The following AMPH variants were observed in gnomAD, a reference collection of about 807,000 sequenced individuals.
The protein encoded by AMPH is amphiphysin (Stiff-Mann syndrome with breast cancer 128kD autoantigen).
A neutral mutation model predicts 99.1 loss-of-function variants in AMPH; 49 were observed. The ratio of observed to expected loss-of-function variants is 0.49; its 90% CI spans 0.39 to 0.63. The LOEUF (loss-of-function observed/expected upper bound fraction) is 0.63. AMPH is among the 20% of genes least tolerant of loss of function. The pLI, the probability that AMPH is intolerant of heterozygous loss-of-function variation, is 0.00. For synonymous variants in AMPH, 314 were observed against 317.3 expected (o/e 0.99, Z 0.11); for missense variants, 759 against 863.4 (o/e 0.88, Z 1.52).
chr7:38,601,548 C>T (rs910590363), intron 1 of AMPH, among the ~76,000 whole-genome samples: 21 of 152,210 alleles, frequency 1.4e-4, no homozygotes, highest in African/African-American at 4.8e-4. Flanking sequence ...AAAATCCAAA[C>T]TATGCCTTAT....
intron 1 of AMPH, among the ~76,000 whole-genome samples, chr7:38,590,647 G>C (rs1308448362): frequency 1.3e-5 from 2 of 152,118 alleles, no homozygotes; most frequent in Non-Finnish European, 2.9e-5. Context: ...TTGTATTTTA[G>C]TGAGCCCTCT....
chr7:38,491,913 C>T (rs1285918445), intron 4 of AMPH, among the ~76,000 whole-genome samples: 1 of 152,162 alleles, frequency 6.6e-6, no homozygotes, highest in Non-Finnish European at 1.5e-5. Context: ...GACTTTTTAT[C>T]CCAGCTGTGT....
At chr7:38,387,953 A>C (rs13242625) in intron 20 of AMPH, among the ~76,000 whole-genome samples, 27,773 of 152,004 alleles carry the variant, frequency 0.18, 2,998 homozygotes, top group Middle Eastern at 0.31. Context: ...GAAAACAATG[A>C]AACATGTTTA....
intron 1 of AMPH, among the ~76,000 whole-genome samples, chr7:38,615,673 G>T (rs569116107): frequency 5.0e-4 from 76 of 152,278 alleles, no homozygotes; most frequent in Middle Eastern, 3.4e-3. Flanking sequence ...ACTCTGGAAA[G>T]ATCACTTCTT....
chr7:38,417,744 T>C, intron 17 of AMPH, 81 bp downstream of exon 17: 1 of 1,547,602 alleles, frequency 6.5e-7, no homozygotes, highest in Non-Finnish European at 8.7e-7. Flanking sequence ...GAGGCAAAGA[T>C]GAGAGCGATG....
intron 1 of AMPH, among the ~76,000 whole-genome samples, chr7:38,630,130 T>A (rs1308596685): frequency 6.6e-6 from 1 of 152,158 alleles, no homozygotes; most frequent in African/African-American, 2.4e-5. Flanking sequence ...CAAATCTGAC[T>A]TCCAGTAAAA....
rs192341339 is a variant in AMPH, at chr7:38,516,160, C to A, written c.151-12456G>T. On this transcript the variant is annotated intron_variant, in intron 2 of 20. Coordinates refer to ENST00000356264, the MANE Select transcript of AMPH (RefSeq NM_001635.4). Reference sequence around the variant, plus strand: ...TCTGGAGAAGAATTCAAGTTGGCTGCAGAAATTTGCATAAGTAAAAAGGAG... The same window carrying A: ...TCTGGAGAAGAATTCAAGTTGGCTGAAGAAATTTGCATAAGTAAAAAGGAG... Among the ~76,000 whole-genome samples, 67 of 152,302 alleles carry A rather than the reference C, an allele frequency of 4.4e-4. 1 individual carries two copies. The Middle Eastern group carries it at 0.027, about 62-fold the overall frequency.
At chr7:38,527,595 T>C (rs934766532) in intron 2 of AMPH, among the ~76,000 whole-genome samples, 1 of 152,208 alleles carries the variant, frequency 6.6e-6, no homozygotes, top group Non-Finnish European at 1.5e-5. Context: ...TGATCTTATA[T>C]CTTGTGACCT....
chr7:38,441,185 C>G (rs1449028203), intron 11 of AMPH, among the ~76,000 whole-genome samples: 1 of 152,002 alleles, frequency 6.6e-6, no homozygotes, highest in Non-Finnish European at 1.5e-5. Context: ...GGATCATTGC[C>G]TAAACATTTA....
rs1194644517 is a variant in AMPH at position 38,571,267 on chromosome 7, T to TTA, written c.70-36258_70-36257dup. On this transcript the variant is annotated intron_variant, in intron 1 of 20. Coordinates refer to ENST00000356264, the MANE Select transcript of AMPH (RefSeq NM_001635.4). ...TTATAAATATATATTAAATATATAT[T>TTA]TATATATATATTTTTATATATATTT... is the stretch of plus-strand genomic sequence containing the variant. Among the ~76,000 whole-genome samples, 179 of 43,682 alleles carry TTA rather than the reference T, an allele frequency of 4.1e-3. 1 individual carries two copies. The highest frequency in any genetic ancestry group is 6.1e-3 in the Non-Finnish European group (153 of 24,958). 28.7% of individuals were successfully genotyped at this position (43,682 alleles called of 152,430 possible).
In AMPH at chr7:38,617,062, C is replaced by T. The variant is rs369178715; in HGVS notation, c.69+14221G>A. 4.1e-4 allele frequency among the ~76,000 whole-genome samples: 62 copies of T among 152,332 alleles called. No homozygotes were observed. The Middle Eastern group carries it at 0.024, about 58-fold the overall frequency. On this transcript the variant is annotated intron_variant, in intron 1 of 20. Coordinates refer to ENST00000356264, the MANE Select transcript of AMPH (RefSeq NM_001635.4). ...TTTACATATATAAAAATGTATGAAG[C>T]TGTACGGCTAAGATTTTTGCTACTT...
intron 3 of AMPH, among the ~76,000 whole-genome samples, chr7:38,495,033 T>C (rs1788878930): frequency 6.6e-6 from 1 of 152,182 alleles, no homozygotes; most frequent in African/African-American, 2.4e-5. Context: ...GTTAAAGTGG[T>C]TAAATGGTTA....
At chr7:38,622,236 T>C (rs539335130) in intron 1 of AMPH, among the ~76,000 whole-genome samples, 71 of 152,274 alleles carry the variant, frequency 4.7e-4, no homozygotes, top group African/African-American at 1.6e-3. Context: ...TGGCCCCTAG[T>C]GTAAATGGCT....
At chr7:38,447,455 T>C (rs1786831494) in intron 11 of AMPH, among the ~76,000 whole-genome samples, 1 of 152,200 alleles carries the variant, frequency 6.6e-6, no homozygotes, top group Non-Finnish European at 1.5e-5. Context: ...TTTTTTTACA[T>C]TAACTATGCA....
At chr7:38,423,476 A>G (rs978115670) in intron 15 of AMPH, among the ~76,000 whole-genome samples, 12 of 152,230 alleles carry the variant, frequency 7.9e-5, no homozygotes, top group African/African-American at 2.9e-4. Context: ...TTTTGGTTGA[A>G]GATGGTGTTT....
At chr7:38,447,262 G>A (rs183250542) in intron 11 of AMPH, among the ~76,000 whole-genome samples, 5 of 152,174 alleles carry the variant, frequency 3.3e-5, no homozygotes, top group Admixed American at 1.3e-4. Flanking sequence ...CAGGTGATCC[G>A]CTCACCTTGG....
rs1787618360 is a variant in AMPH at position 38,465,485 on chromosome 7, G to A, written c.731C>T (p.Thr244Ile). Residue 244 changes from threonine (T) to isoleucine (I), a missense_variant, in exon 9 of 21, where the codon ACC (threonine) becomes ATC (isoleucine). Physicochemically the swap from Thr to Ile is moderately conservative, Grantham distance 89 (BLOSUM62 -1). Coordinates refer to ENST00000356264, the MANE Select transcript of AMPH (RefSeq NM_001635.4). ...GGCCTACCTGGGCGCTCCTTGGATG[G>A]TGAAGGCCTTGTCGGCGTGCTGGTC... ...LGDQHADKAF[T>I]IQGAPSDSGP... 6.3e-7 allele frequency: 1 copy of A among 1,580,760 alleles called. No homozygotes were observed. The highest frequency in any genetic ancestry group is 8.6e-7 in the Non-Finnish European group (1 of 1,161,330).
chr7:38,488,709 C>G (rs6970073), intron 5 of AMPH, among the ~76,000 whole-genome samples: 1 of 151,808 alleles, frequency 6.6e-6, no homozygotes, highest in Non-Finnish European at 1.5e-5. Flanking sequence ...CTGGTAACAA[C>G]CTGAGAAAGA....
chr7:38,391,243 C>T (rs566674339), intron 19 of AMPH, among the ~76,000 whole-genome samples: 2 of 152,356 alleles, frequency 1.3e-5, no homozygotes, highest in East Asian at 3.9e-4. Context: ...TTCCCATTAA[C>T]TTAGCCGCCT....
Sources: gnomAD v4.1 joint callset for allele counts (sites outside exome capture counted in the v4.1 genomes callset) on GRCh38, gnomAD v4.1.1 for gene constraint, MANE v1.5 for transcripts, NCBI Gene and HGNC (gene_info 2026-07-23, HGNC 2026-07-21) for gene names.